Variants in OC90 observed in about 807,000 individuals in gnomAD.
OC90 encodes the protein otoconin 90, also known as otoconin-90.
A neutral mutation model predicts 47.3 loss-of-function variants in OC90; 46 were observed. The observed-to-expected ratio is 0.97, with a 90% CI of 0.77 to 1.24. The LOEUF is 1.24. Ranked by LOEUF, OC90 falls within the 50% of genes most tolerant of loss-of-function variation. OC90 has a pLI of 0.00. For missense variants in OC90, 688 were observed against 583.9 expected (o/e 1.18, Z -1.84); for synonymous variants, 271 against 219.5 (o/e 1.23, Z -2.07).
intron 9 of OC90, 82 bp from the exon 10 acceptor site, chr8:132,034,916 T>C: frequency 2.1e-6 from 2 of 953,780 alleles, no homozygotes; most frequent in Non-Finnish European, 3.4e-6. Flanking sequence ...TCCCACCCAC[T>C]GCACACAGGC....
intron 9 of OC90, among the ~76,000 whole-genome samples, chr8:132,035,522 C>A (rs1195016493): frequency 6.6e-6 from 1 of 152,062 alleles, no homozygotes; most frequent in East Asian, 1.9e-4. Context: ...CTGGCTGTGC[C>A]ACACGAAAAA....
chr8:132,029,240 A>G, intron 12 of OC90, 61 bp from the exon 13 acceptor site: 1 of 1,297,182 alleles, frequency 7.7e-7, no homozygotes. Flanking sequence ...AACCCCCTCA[A>G]GCACAGCCTG....
chr8:132,028,474 C>G lies in OC90; in HGVS notation c.1138+599G>C, dbSNP rs111591540. On this transcript the variant is annotated intron_variant, in intron 13 of 13. Coordinates refer to ENST00000254627, the MANE Select transcript of OC90 (RefSeq NM_001080399.3). ...CCAAGATTGTACCGCTGTACTCCAGCCTGGTGGCCGAGTGAAACACCATCA... is the reference window on the plus strand; with the variant it reads ...CCAAGATTGTACCGCTGTACTCCAGGCTGGTGGCCGAGTGAAACACCATCA... 2.2e-3 allele frequency among the ~76,000 whole-genome samples: 324 copies of G among 150,634 alleles called. 2 individuals carry two copies. The highest frequency in any genetic ancestry group is 7.3e-3 in the African/African-American group (297 of 40,770).
At chr8:132,046,483 G>A (rs1586714107) in intron 2 of OC90, among the ~76,000 whole-genome samples, 1 of 152,122 alleles carries the variant, frequency 6.6e-6, no homozygotes, top group African/African-American at 2.4e-5. Context: ...TTACTTAATG[G>A]TGTAATAACA....
At chr8:132,059,309 C>T (rs1224434333) in intron 1 of OC90, 32 bp downstream of exon 1, 2 of 141,350 alleles carry the variant, frequency 1.4e-5, no homozygotes, top group Admixed American at 7.0e-5. Flanking sequence ...TGCTCTCTGT[C>T]TCCCCAACCA....
chr8:132,038,894 T>A, intron 7 of OC90, 63 bp from the exon 8 acceptor site: 1 of 1,606,362 alleles, frequency 6.2e-7, no homozygotes, highest in Non-Finnish European at 8.5e-7. Flanking sequence ...GGTTTGAAGA[T>A]GCTGGACTTG....
intron 8 of OC90, among the ~76,000 whole-genome samples, 188 bp from the exon 9 acceptor site, chr8:132,037,676 G>C (rs989402057): frequency 6.6e-6 from 1 of 152,178 alleles, no homozygotes; most frequent in Non-Finnish European, 1.5e-5. Context: ...CCCAGAGCAC[G>C]GAGTGCCCTG....
intron 13 of OC90, among the ~76,000 whole-genome samples, chr8:132,025,427 A>C (rs1822742405): frequency 6.6e-6 from 1 of 152,202 alleles, no homozygotes; most frequent in African/African-American, 2.4e-5. Context: ...CATTTGACCC[A>C]TCTATTCCCT....
At chr8:132,029,209 A>C in intron 12 of OC90, 30 bp from the exon 13 acceptor site, 8 of 1,558,126 alleles carry the variant, frequency 5.1e-6, no homozygotes, top group Non-Finnish European at 6.2e-6. Flanking sequence ...TTTACTTCTC[A>C]GAGCTCCTGG....
intron 2 of OC90, among the ~76,000 whole-genome samples, chr8:132,052,351 G>T (rs920670967): frequency 6.6e-6 from 1 of 152,172 alleles, no homozygotes; most frequent in Non-Finnish European, 1.5e-5. Context: ...ATTAATCAGC[G>T]TAATAACCAG....
rs377287262 is a variant in OC90, at chr8:132,041,119, C to G, written c.382G>C (p.Ala128Pro). The stretch of plus-strand genomic sequence containing the variant: ...GGGTCTTGGAGACAGTCCATCTCAG[C>G]GGCCTCCTCATAGCACCTGCGGTGC... ...FQHRRCYEEAAEMDCLQDPAK... is the reference protein window; with the variant it reads ...FQHRRCYEEAPEMDCLQDPAK... Residue 128 changes from alanine to proline, a missense_variant, in exon 6 of 14, where the codon GCT (alanine) becomes CCT (proline). Physicochemically the swap from Ala to Pro is conservative, Grantham distance 27. Coordinates refer to ENST00000254627, the MANE Select transcript of OC90 (RefSeq NM_001080399.3). 2.2e-5 allele frequency: 36 copies of G among 1,613,664 alleles called. No homozygotes were observed. The highest frequency in any genetic ancestry group is 1.8e-4 in the Admixed American group (11 of 60,012).
At chr8:132,058,787 C>T (rs150561852) in intron 1 of OC90, among the ~76,000 whole-genome samples, 1,524 of 152,172 alleles carry the variant, frequency 0.01, 12 homozygotes, top group Non-Finnish European at 0.017. Context: ...GTGCCGTGGG[C>T]GGGGTCATTG....
At chr8:132,047,300 A>T (rs1823146548) in intron 2 of OC90, among the ~76,000 whole-genome samples, 1 of 149,374 alleles carries the variant, frequency 6.7e-6, no homozygotes, top group Non-Finnish European at 1.5e-5. Context: ...TTACTTATTA[A>T]TGCGTATTTT....
chr8:132,028,645 AG>A (rs1822809649), intron 13 of OC90, among the ~76,000 whole-genome samples: 1 of 112,614 alleles, frequency 8.9e-6, no homozygotes, highest in African/African-American at 3.2e-5. Context: ...AAAGAAAGGA[AG>A]GAAGGAAGAA....
chr8:132,037,421 A>G lies in OC90; in HGVS notation c.679+17T>C, dbSNP rs1299423781. 5.7e-6 allele frequency: 9 copies of G among 1,573,868 alleles called. No homozygotes were observed. The Admixed American group carries it at 1.6e-4, about 29-fold the overall frequency. ...ATTGTGTGTCTTTGGGTTCCACACT[A>G]GCCCCTTCTGGCTCACCTTCTCCTG... On this transcript the variant is annotated intron_variant, in intron 9 of 13. Coordinates refer to ENST00000254627, the MANE Select transcript of OC90 (RefSeq NM_001080399.3).
At chr8:132,024,818 G>A (rs1339370568) in intron 13 of OC90, 42 bp from the exon 14 acceptor site, 17 of 1,556,534 alleles carry the variant, frequency 1.1e-5, no homozygotes, top group Non-Finnish European at 1.4e-5. Flanking sequence ...AGACCTCTGA[G>A]GATGGCACTG....
rs778893286 is a variant in OC90, at chr8:132,035,136, TA to T, written c.680-303del. On this transcript the variant is annotated intron_variant, in intron 9 of 13. Transcript: ENST00000254627. ...GCTTCTTTAGAATTCGGAGAAAAAC[TA>T]AAAGAAAAGTACATTTTGGAACAGA... Among the ~76,000 whole-genome samples the T allele has an allele frequency of 2.6e-5, 4 of 152,310 alleles. No homozygotes were observed. In the East Asian group the frequency reaches 7.7e-4, roughly 29 times the overall value.
At position 132,024,549 on chromosome 8, in the gene OC90, C is replaced by T. The variant is rs190749924; in HGVS notation, c.1366G>A (p.Gly456Ser). Reference sequence around the variant, plus strand: ...TTCCGCAGAAACCTCTTGGCTCTGCCGAGGTCCTCCTGTGGAGGGTCCTCC... The same window carrying T: ...TTCCGCAGAAACCTCTTGGCTCTGCTGAGGTCCTCCTGTGGAGGGTCCTCC... The part of the protein sequence containing the change: ...SEEDPPQEDL[G>S]RAKRFLRKSL... The change falls in exon 14 of 14, where the codon GGC becomes AGC. Residue 456 changes from glycine (G) to serine (S), a missense_variant. Physicochemically the swap from Gly to Ser is moderately conservative, Grantham distance 56. Transcript: ENST00000254627. 212 of 1,609,036 alleles carry T rather than the reference C, an allele frequency of 1.3e-4. No homozygotes were observed. The highest frequency in any genetic ancestry group is 1.1e-3 in the African/African-American group (81 of 74,936).
Position 132,041,611 on chromosome 8 carries a change from C to A in OC90, c.258G>T (p.Val86=). Residue 86 remains valine, a synonymous_variant, in exon 5 of 14, where the codon GTG becomes GTT. Coordinates refer to ENST00000254627, the MANE Select transcript of OC90 (RefSeq NM_001080399.3). ...CAAAGTCTCGGGGGCAGAGACCAGCCACACACTTCATACCATTGACAAACT... is the reference window on the plus strand; with the variant it reads ...CAAAGTCTCGGGGGCAGAGACCAGCAACACACTTCATACCATTGACAAACT... ...LIQFVNGMKC[V]AGLCPRDFED... The A allele has an allele frequency of 6.2e-7, 1 of 1,611,878 alleles. No homozygotes were observed. The highest frequency in any genetic ancestry group is 8.5e-7 in the Non-Finnish European group (1 of 1,178,928).
Sources: gnomAD v4.1 joint callset for allele counts (sites outside exome capture counted in the v4.1 genomes callset) on GRCh38, gnomAD v4.1.1 for gene constraint, MANE v1.5 for transcripts, NCBI Gene and HGNC (gene_info 2026-07-23, HGNC 2026-07-21) for gene names.